Variants in KCND2 observed in about 807,000 individuals in gnomAD.
The protein encoded by KCND2 is A-type voltage-gated potassium channel KCND2.
In KCND2, 16 loss-of-function variants were observed where a neutral mutation model predicts 54.4. The ratio of observed to expected loss-of-function variants is 0.29; its 90% CI spans 0.20 to 0.45. KCND2 has a LOEUF of 0.45. KCND2 is among the 20% of genes least tolerant of loss of function. The pLI, the probability that KCND2 is intolerant of heterozygous loss-of-function variation, is 1.00. For synonymous variants in KCND2, 317 were observed against 310.7 expected, an observed-to-expected ratio of 1.02 and a Z score of -0.21; for missense variants, 486 against 824.2, an observed-to-expected ratio of 0.59 and a Z score of 5.02.
At chr7:120,620,223 T>G (rs1177521971) in intron 1 of KCND2, among the ~76,000 whole-genome samples, 2 of 151,854 alleles carry the variant, frequency 1.3e-5, no homozygotes, top group African/African-American at 2.4e-5. Context: ...TATGAAAAAT[T>G]GACAGAATTC....
chr7:120,481,111 G>A (rs888201383), intron 1 of KCND2, among the ~76,000 whole-genome samples: 12 of 152,232 alleles, frequency 7.9e-5, no homozygotes, highest in African/African-American at 2.7e-4. Context: ...GTCTGAGAAG[G>A]CCTCAGATGG....
chr7:120,629,456 A>C (rs536029273), intron 1 of KCND2, among the ~76,000 whole-genome samples: 1 of 152,080 alleles, frequency 6.6e-6, no homozygotes, highest in South Asian at 2.1e-4. Flanking sequence ...ACTGCACTCC[A>C]TCCTGGGCGA....
chr7:120,292,202 T>C (rs530417490), intron 1 of KCND2, among the ~76,000 whole-genome samples: 2 of 152,054 alleles, frequency 1.3e-5, no homozygotes, highest in South Asian at 4.1e-4. Context: ...ATATAGTAAA[T>C]GAATATTTAA....
intron 1 of KCND2, among the ~76,000 whole-genome samples, chr7:120,370,251 G>A (rs939054065): frequency 2.6e-5 from 4 of 151,994 alleles, no homozygotes; most frequent in African/African-American, 9.7e-5. Flanking sequence ...AAAGTAAGCA[G>A]AGGAGGAATA....
chr7:120,675,604 GTATAAGAATGAGT>G (rs1792050446), intron 1 of KCND2, among the ~76,000 whole-genome samples: 1 of 152,006 alleles, frequency 6.6e-6, no homozygotes, highest in Non-Finnish European at 1.5e-5. Context: ...TCTGGAATAC[GTATAAGAATGAGT>G]TATAGAGAGA....
intron 1 of KCND2, among the ~76,000 whole-genome samples, chr7:120,348,577 A>G (rs1717610711): frequency 6.6e-6 from 1 of 152,200 alleles, no homozygotes; most frequent in Admixed American, 6.5e-5. Flanking sequence ...TTTCTCTGAT[A>G]CAAATAGGGA....
chr7:120,398,284 T>A (rs960297034), intron 1 of KCND2, among the ~76,000 whole-genome samples: 11 of 151,732 alleles, frequency 7.2e-5, no homozygotes, highest in African/African-American at 2.4e-4. Flanking sequence ...AAATATATAT[T>A]GAGAATTATC....
At chr7:120,544,556 C>T (rs905240290) in intron 1 of KCND2, among the ~76,000 whole-genome samples, 1 of 151,772 alleles carries the variant, frequency 6.6e-6, no homozygotes, top group Non-Finnish European at 1.5e-5. Context: ...TTTTCATTAG[C>T]GATTATTATT....
chr7:120,314,444 A>G (rs1192916496), intron 1 of KCND2, among the ~76,000 whole-genome samples: 1 of 152,168 alleles, frequency 6.6e-6, no homozygotes, highest in Non-Finnish European at 1.5e-5. Flanking sequence ...TAAAATTGAT[A>G]ATGTATGGAC....
intron 1 of KCND2, among the ~76,000 whole-genome samples, chr7:120,653,325 T>C (rs897343098): frequency 6.6e-6 from 1 of 151,870 alleles, no homozygotes; most frequent in African/African-American, 2.4e-5. Flanking sequence ...GAATTATAGA[T>C]GCAGGCCACC....
chr7:120,451,219 GGT>G (rs1161747966), intron 1 of KCND2, among the ~76,000 whole-genome samples: 5 of 152,102 alleles, frequency 3.3e-5, no homozygotes, highest in African/African-American at 1.2e-4. Flanking sequence ...CCTGCAATTT[GGT>G]TAGAATCTAT....
chr7:120,389,163 G>A (rs1801036663), intron 1 of KCND2, among the ~76,000 whole-genome samples: 3 of 151,810 alleles, frequency 2.0e-5, no homozygotes, highest in South Asian at 2.1e-4. Context: ...TATTCATATA[G>A]CGCTTTTGGT....
intron 1 of KCND2, among the ~76,000 whole-genome samples, chr7:120,295,347 AACACAC>A (rs56748699): frequency 0.16 from 23,204 of 141,134 alleles, 1,890 homozygotes; most frequent in Non-Finnish European, 0.18. Flanking sequence ...GTCATAGAGT[AACACAC>A]ACACACACAC....
At chr7:120,607,697 G>A (rs922607919) in intron 1 of KCND2, among the ~76,000 whole-genome samples, 3 of 151,966 alleles carry the variant, frequency 2.0e-5, no homozygotes, top group African/African-American at 4.8e-5. Context: ...ATGGGATATC[G>A]ATCATGAGAT....
At chr7:120,517,752 A>C (rs1404422119) in intron 1 of KCND2, among the ~76,000 whole-genome samples, 1 of 152,154 alleles carries the variant, frequency 6.6e-6, no homozygotes, top group African/African-American at 2.4e-5. Flanking sequence ...ATAGGTATAC[A>C]TGCATAACTT....
chr7:120,706,203 AG>A (rs1429124702), intron 1 of KCND2, among the ~76,000 whole-genome samples: 4 of 152,176 alleles, frequency 2.6e-5, no homozygotes, highest in African/African-American at 9.7e-5. Context: ...ACTTGGAGTC[AG>A]GGTTGGATAC....
At chr7:120,543,661 A>G (rs1446830797) in intron 1 of KCND2, among the ~76,000 whole-genome samples, 1 of 152,078 alleles carries the variant, frequency 6.6e-6, no homozygotes, top group Non-Finnish European at 1.5e-5. Flanking sequence ...TTTAAAAAAC[A>G]GAGACTATTG....
intron 1 of KCND2, among the ~76,000 whole-genome samples, chr7:120,557,243 G>T (rs996440875): frequency 5.3e-5 from 8 of 151,974 alleles, no homozygotes; most frequent in Non-Finnish European, 8.8e-5. Flanking sequence ...AGGGTAATTG[G>T]GAGGTCTCTT....
chr7:120,401,317 C>T (rs1000923880), intron 1 of KCND2, among the ~76,000 whole-genome samples: 1 of 152,078 alleles, frequency 6.6e-6, no homozygotes, highest in African/African-American at 2.4e-5. Context: ...TTTAAGCTGC[C>T]TTTTTCATGT....
Sources: allele counts gnomAD v4.1 joint callset (sites outside exome capture counted in the v4.1 genomes callset), GRCh38; gene constraint gnomAD v4.1.1; transcripts MANE v1.5; gene names NCBI Gene and HGNC (gene_info 2026-07-23, HGNC 2026-07-21).